The following SNAP91 variants were observed in gnomAD, a reference collection of about 807,000 sequenced individuals.
SNAP91 encodes synaptosome associated protein 91.
In SNAP91, 27 loss-of-function variants were observed where a neutral mutation model predicts 100.3. That is an observed-to-expected ratio of 0.27 (90% CI 0.20 to 0.37). The LOEUF (loss-of-function observed/expected upper bound fraction) is 0.37. SNAP91 is among the 10% of genes least tolerant of loss of function. SNAP91 has a pLI of 1.00. For missense variants in SNAP91, 986 were observed against 1,123.7 expected, an observed-to-expected ratio of 0.88 and a Z score of 1.75; for synonymous variants, 404 against 398.6, an observed-to-expected ratio of 1.01 and a Z score of -0.16.
At chr6:83,689,841 C>T (rs949775334) in intron 2 of SNAP91, among the ~76,000 whole-genome samples, 2 of 152,016 alleles carry the variant, frequency 1.3e-5, no homozygotes, top group African/African-American at 4.8e-5. Flanking sequence ...GTCTTGCATT[C>T]CTTTCTTTTC....
chr6:83,604,179 A>T (rs971917840), intron 14 of SNAP91, among the ~76,000 whole-genome samples: 8 of 152,210 alleles, frequency 5.3e-5, no homozygotes, highest in African/African-American at 1.9e-4. Flanking sequence ...TCTAACAAAG[A>T]CAATATGGTA....
chr6:83,705,685 C>G (rs2099366353), intron 2 of SNAP91, among the ~76,000 whole-genome samples: 1 of 152,058 alleles, frequency 6.6e-6, no homozygotes, highest in Admixed American at 6.5e-5. Flanking sequence ...TGGTGCATTC[C>G]TGTAAGTCCC....
Position 83,557,072 on chromosome 6 carries a change from T to G in SNAP91, c.2632-827A>C, listed in dbSNP as rs1312466672. The stretch of plus-strand genomic sequence containing the variant: ...AATAATTAACTTGCCTTGTTTCTGT[T>G]TAACCAGAATCTAAATTATTTTTTC... On this transcript the variant is annotated intron_variant, in intron 28 of 29. Transcript: ENST00000369694. 2.0e-5 allele frequency among the ~76,000 whole-genome samples: 3 copies of G among 152,204 alleles called. No homozygotes were observed. The East Asian group carries it at 5.8e-4, about 29-fold the overall frequency.
At chr6:83,662,485 C>T (rs2128746738) in intron 3 of SNAP91, 63 bp from the exon 4 acceptor site, 1 of 618,134 alleles carries the variant, frequency 1.6e-6, no homozygotes, top group South Asian at 3.6e-5. Flanking sequence ...CAATTTCTGA[C>T]ACTAAAGCGA....
At chr6:83,658,236 T>G (rs970993504) in intron 6 of SNAP91, among the ~76,000 whole-genome samples, 6 of 152,186 alleles carry the variant, frequency 3.9e-5, no homozygotes, top group African/African-American at 1.4e-4. Context: ...ACCAGGATAT[T>G]GACAATGAAA....
intron 22 of SNAP91, among the ~76,000 whole-genome samples, chr6:83,589,844 T>C (rs561011569): frequency 6.6e-6 from 1 of 152,304 alleles, no homozygotes; most frequent in Non-Finnish European, 1.5e-5. Context: ...GCATCTGCCA[T>C]TACTCACCAC....
intron 10 of SNAP91, 43 bp downstream of exon 10, chr6:83,616,926 G>A (rs370504161): frequency 8.4e-5 from 100 of 1,196,486 alleles, no homozygotes; most frequent in East Asian, 1.5e-4. Flanking sequence ...AAGAACGACT[G>A]TAGTATTTTT....
At chr6:83,692,981 C>T (rs554194654) in intron 2 of SNAP91, among the ~76,000 whole-genome samples, 13 of 152,214 alleles carry the variant, frequency 8.5e-5, no homozygotes, top group African/African-American at 3.1e-4. Flanking sequence ...CACTATGTTG[C>T]CCATGCTGGG....
intron 26 of SNAP91, among the ~76,000 whole-genome samples, chr6:83,574,549 ATTAC>A (rs1343186170): frequency 6.6e-6 from 1 of 152,190 alleles, no homozygotes; most frequent in East Asian, 1.9e-4. Context: ...AAAAAAAGTT[ATTAC>A]TTACTAAGAC....
intron 8 of SNAP91, among the ~76,000 whole-genome samples, chr6:83,633,708 C>A (rs917619479): frequency 1.3e-5 from 2 of 152,108 alleles, no homozygotes; most frequent in Admixed American, 1.3e-4. Flanking sequence ...ATCCAAAGGA[C>A]CAGTCTCATT....
intron 27 of SNAP91, among the ~76,000 whole-genome samples, chr6:83,560,451 G>C (rs1165230557): frequency 6.6e-6 from 1 of 152,154 alleles, no homozygotes; most frequent in Non-Finnish European, 1.5e-5. Context: ...ACCAAGCTTT[G>C]TTGTTGTTTA....
chr6:83,590,608 G>A (rs1267074204), intron 22 of SNAP91, among the ~76,000 whole-genome samples: 2 of 151,626 alleles, frequency 1.3e-5, no homozygotes, highest in Non-Finnish European at 2.9e-5. Flanking sequence ...TTGACCCAAT[G>A]GTAGGAGTCT....
intron 22 of SNAP91, among the ~76,000 whole-genome samples, chr6:83,584,393 T>A (rs1356474549): frequency 6.6e-6 from 1 of 152,098 alleles, no homozygotes; most frequent in African/African-American, 2.4e-5. Flanking sequence ...AACACACTGG[T>A]AAGATTCAGT....
chr6:83,579,512 G>A (rs1049638963), intron 24 of SNAP91, among the ~76,000 whole-genome samples: 2 of 152,160 alleles, frequency 1.3e-5, no homozygotes, highest in Non-Finnish European at 2.9e-5. Context: ...AGTCTGTATC[G>A]TGATTTGCTA....
At chr6:83,635,360 T>C (rs1424471084) in intron 8 of SNAP91, among the ~76,000 whole-genome samples, 1 of 152,194 alleles carries the variant, frequency 6.6e-6, no homozygotes, top group Non-Finnish European at 1.5e-5. Flanking sequence ...TAAGTCTTTT[T>C]CCCCCCTAAT....
At chr6:83,660,667 TG>T (rs1268424279) in intron 5 of SNAP91, among the ~76,000 whole-genome samples, 1 of 152,106 alleles carries the variant, frequency 6.6e-6, no homozygotes, top group Non-Finnish European at 1.5e-5. Flanking sequence ...TTGATTATGG[TG>T]TGTGTTTATA....
chr6:83,691,330 A>T (rs1587777985), intron 2 of SNAP91, among the ~76,000 whole-genome samples: 2 of 152,290 alleles, frequency 1.3e-5, no homozygotes, highest in East Asian at 3.9e-4. Flanking sequence ...TCTTCAATCC[A>T]AACAATGAAT....
At chr6:83,595,611 C>T (rs1358083793) in intron 16 of SNAP91, among the ~76,000 whole-genome samples, 1 of 152,172 alleles carries the variant, frequency 6.6e-6, no homozygotes, top group Non-Finnish European at 1.5e-5. Flanking sequence ...TGGAGACCAG[C>T]ACCCACCTAG....
intron 3 of SNAP91, among the ~76,000 whole-genome samples, chr6:83,665,152 C>T (rs1288303142): frequency 1.3e-5 from 2 of 151,978 alleles, no homozygotes; most frequent in African/African-American, 2.4e-5. Context: ...TTGTGTGACT[C>T]GCTTATTGCA....
Sources: gnomAD v4.1 joint callset for allele counts (sites outside exome capture counted in the v4.1 genomes callset) on GRCh38, gnomAD v4.1.1 for gene constraint, MANE v1.5 for transcripts, NCBI Gene and HGNC (gene_info 2026-07-23, HGNC 2026-07-21) for gene names.